Variants in PFKM observed in about 807,000 individuals in gnomAD.
The protein encoded by PFKM is ATP-dependent 6-phosphofructokinase, muscle type.
A neutral mutation model predicts 95.5 loss-of-function variants in PFKM; 58 were observed. The ratio of observed to expected loss-of-function variants is 0.61; its 90% CI spans 0.49 to 0.76. The LOEUF (loss-of-function observed/expected upper bound fraction) is 0.76, where lower values mean the gene tolerates loss of function less well. Ranked by LOEUF, PFKM falls within the 30% of genes least tolerant of loss-of-function variation. PFKM has a pLI of 0.00. For missense variants in PFKM, 678 were observed against 1,005.4 expected, an observed-to-expected ratio of 0.67 and a Z score of 4.40; for synonymous variants, 336 against 357.2, an observed-to-expected ratio of 0.94 and a Z score of 0.67.
upstream of PFKM, chr12:48,118,389 T>C: frequency 1.4e-6 from 1 of 690,936 alleles, no homozygotes; most frequent in Non-Finnish European, 2.5e-6. Flanking sequence ...TCCACTTTCT[T>C]GATGGTATAA....
chr12:48,117,441 A>G (rs371701982), upstream of PFKM, among the ~76,000 whole-genome samples: 24 of 152,376 alleles, frequency 1.6e-4, no homozygotes, highest in East Asian at 4.0e-3. Flanking sequence ...ACCATTGTGC[A>G]TTCCCACCAG....
intron 3 of PFKM, among the ~76,000 whole-genome samples, chr12:48,112,211 G>A (rs759040458): frequency 2.6e-5 from 4 of 151,140 alleles, no homozygotes; most frequent in East Asian, 3.9e-4. Context: ...AAGGAGCGGC[G>A]AAAGGATTTA....
At chr12:48,142,537 A>G (rs1169571616) in intron 17 of PFKM, among the ~76,000 whole-genome samples, 2 of 150,812 alleles carry the variant, frequency 1.3e-5, no homozygotes, top group Non-Finnish European at 3.0e-5. Flanking sequence ...TCTTTCTGAG[A>G]TCATGCAGTC....
At chr12:48,106,169 G>A in intron 1 of PFKM, 1 of 700,842 alleles carries the variant, frequency 1.4e-6, no homozygotes, top group Non-Finnish European at 2.6e-6. Flanking sequence ...GGGGCAGGAG[G>A]TCAAAGAACA....
intron 6 of PFKM, 53 bp from the exon 7 acceptor site, chr12:48,134,179 T>C (rs1949822157): frequency 2.7e-6 from 4 of 1,505,408 alleles, no homozygotes; most frequent in Admixed American, 3.3e-5. Flanking sequence ...GGGTGGTGGC[T>C]TGATCTTGGC....
chr12:48,140,736 A>T lies in PFKM; in HGVS notation c.1206A>T (p.Thr402=). Residue 402 remains threonine, a synonymous_variant, in exon 14 of 23, where the codon ACA becomes ACT. Transcript: ENST00000359794. ...RPPVSKSGSH[T]VAVMNVGAPA... Reference sequence around the variant, plus strand: ...CTCCTGTATAGAGTGGTTCGCACACAGTGGCTGTGATGAACGTGGGGGCTC... The same window carrying T: ...CTCCTGTATAGAGTGGTTCGCACACTGTGGCTGTGATGAACGTGGGGGCTC... 1 of 1,614,126 alleles carries T rather than the reference A, an allele frequency of 6.2e-7. No homozygotes were observed. Among genetic ancestry groups the T allele is most frequent in the East Asian group, 2.2e-5 (1 of 44,878 alleles).
chr12:48,140,722 A>G lies in PFKM; in HGVS notation c.1192A>G (p.Ser398Gly). The change falls in exon 14 of 23, where the codon AGT (serine) becomes GGT (glycine). Residue 398 changes from serine (S) to glycine (G), a missense_variant and splice_region_variant. Transcript: ENST00000359794. ...LAHVRPPVSK[S>G]GSHTVAVMNV... Reference sequence around the variant, plus strand: ...TTTTTCCCTGCTTCCTCCTGTATAGAGTGGTTCGCACACAGTGGCTGTGAT... The same window carrying G: ...TTTTTCCCTGCTTCCTCCTGTATAGGGTGGTTCGCACACAGTGGCTGTGAT... 6.2e-7 allele frequency: 1 copy of G among 1,613,972 alleles called. No individual in the cohort carries two copies. Among genetic ancestry groups the G allele is most frequent in the Non-Finnish European group, 8.5e-7 (1 of 1,179,996 alleles).
Position 48,146,104 on chromosome 12 carries a change from G to T in PFKM, c.*396G>T. ...CTAATAAATGCCAACTGGTCACTGT[G>T]CTTTTGCTTCTCCTGTTATCATCTT... On this transcript the variant is annotated 3_prime_UTR_variant, in exon 23 of 23. Transcript: ENST00000359794. The T allele has an allele frequency of 3.9e-6, 1 of 257,498 alleles. No homozygotes were observed. The allele number at this position is 257,498 out of a possible 1,614,324, so 16.0% of individuals were successfully genotyped here.
At position 48,134,838 on chromosome 12, in the gene PFKM, ACTTTATTTTGCC is replaced by A. The variant is rs1171511266; in HGVS notation, c.747+13_747+24del. On this transcript the variant is annotated intron_variant, in intron 8 of 22. Transcript: ENST00000359794. ...GTCGCCGACTCAGCGAGGTACTTGC[ACTTTATTTTGCC>A]CTTAAGAAATCCCTCACCCTGTTCC... 4.3e-6 allele frequency: 7 copies of A among 1,609,646 alleles called. No individual in the cohort carries two copies. The South Asian group carries it at 7.7e-5, about 18-fold the overall frequency.
At chr12:48,129,016 T>C (rs1233257598) in intron 2 of PFKM, among the ~76,000 whole-genome samples, 1 of 152,062 alleles carries the variant, frequency 6.6e-6, no homozygotes, top group Non-Finnish European at 1.5e-5. Context: ...GTTCCTAATA[T>C]GAAACACACA....
In PFKM at chr12:48,134,294, A is replaced by G. The variant is rs747202774; in HGVS notation, c.638+18A>G. The G allele has an allele frequency of 6.2e-7, 1 of 1,609,114 alleles. No homozygotes were observed. Among genetic ancestry groups the G allele is most frequent in the Non-Finnish European group, 8.5e-7 (1 of 1,175,484 alleles). The stretch of plus-strand genomic sequence containing the variant: ...CACTGTGGGTAAGATCCTCATTCTG[A>G]CCCATTTATTCCGTGGACCTAGCGA... On this transcript the variant is annotated intron_variant, in intron 7 of 22. Coordinates refer to ENST00000359794, the MANE Select transcript of PFKM (RefSeq NM_000289.6).
chr12:48,145,681 G>T lies in PFKM; in HGVS notation c.2316G>T (p.Arg772=). ...ATGCCCACCTGGAGCACATCACCCGGAAGCGGTCCGGGGAAGCTGCCGTCT... is the reference window on the plus strand; with the variant it reads ...ATGCCCACCTGGAGCACATCACCCGTAAGCGGTCCGGGGAAGCTGCCGTCT... ...SDHAHLEHIT[R]KRSGEAAV The change falls in exon 23 of 23, where the codon CGG becomes CGT. Residue 772 remains arginine (R), a synonymous_variant. Transcript: ENST00000359794. The surrounding 1 kb of genome is among the most constrained non-coding windows in gnomAD (Gnocchi z 4.3). The T allele has an allele frequency of 6.2e-7, 1 of 1,614,206 alleles. No individual in the cohort carries two copies.
chr12:48,131,087 A>G lies in PFKM; in HGVS notation c.160-229A>G, dbSNP rs56692411. Among the ~76,000 whole-genome samples the G allele has an allele frequency of 0.017, 2,612 of 152,346 alleles. 91 individuals are homozygous for G. Among genetic ancestry groups the G allele is most frequent in the African/African-American group, 0.059 (2,450 of 41,568 alleles). On this transcript the variant is annotated intron_variant, in intron 3 of 22. Coordinates refer to ENST00000359794, the MANE Select transcript of PFKM (RefSeq NM_000289.6). ...ATTAAGATTAACTATTAGGAAGGAT[A>G]TCCACATCCCAGTATTTCAAAAATG...
upstream of PFKM, among the ~76,000 whole-genome samples, chr12:48,118,934 G>C (rs560162141): frequency 1.3e-5 from 2 of 152,236 alleles, no homozygotes; most frequent in Admixed American, 1.3e-4. Flanking sequence ...CTAGCACACA[G>C]ACTCCCAAGA....
At chr12:48,142,099 G>C (rs772632705) in intron 17 of PFKM, 33 bp downstream of exon 17, 3 of 1,607,726 alleles carry the variant, frequency 1.9e-6, no homozygotes, top group East Asian at 4.5e-5. Context: ...CATCCCTTTT[G>C]GCCAGGATTA....
At chr12:48,136,684 G>T (rs1319386945) in intron 10 of PFKM, among the ~76,000 whole-genome samples, 2 of 146,196 alleles carry the variant, frequency 1.4e-5, no homozygotes, top group South Asian at 2.1e-4. Flanking sequence ...AGCATTTGGG[G>T]GTCGTCACTT....
At chr12:48,137,332 G>T (rs1249189873) in intron 10 of PFKM, 1 of 272,742 alleles carries the variant, frequency 3.7e-6, no homozygotes, top group Non-Finnish European at 7.1e-6. Context: ...AAAAATGCTG[G>T]AATTACAGGC....
Position 48,113,003 on chromosome 12 carries a change from G to C in PFKM, c.205+4809G>C, listed in dbSNP as rs1947344440. 2.6e-5 allele frequency among the ~76,000 whole-genome samples: 4 copies of C among 152,076 alleles called. No homozygotes were observed. The South Asian group carries it at 8.3e-4, about 32-fold the overall frequency. On this transcript the variant is annotated intron_variant, in intron 3 of 24. Coordinates refer to the PFKM transcript ENST00000340802. ...TTTAAGGTGAGGAGATACAAGGAGA[G>C]GATATGAAGGAGACTTTGAACTGGG...
chr12:48,135,079 C>T (rs1949946216), intron 9 of PFKM, 41 bp downstream of exon 9: 1 of 1,446,850 alleles, frequency 6.9e-7, no homozygotes. Context: ...GAATCCATAG[C>T]CCATTCCCTT....
Sources: allele counts gnomAD v4.1 joint callset (sites outside exome capture counted in the v4.1 genomes callset), GRCh38; gene constraint gnomAD v4.1.1; non-coding constraint Gnocchi (gnomAD v3.1); transcripts MANE v1.5; gene names NCBI Gene and HGNC (gene_info 2026-07-23, HGNC 2026-07-21).